The following TM2D2 variants were observed in gnomAD, a reference collection of about 807,000 sequenced individuals.
The protein encoded by TM2D2 is TM2 domain containing 2.
Under a neutral mutation model 23.0 loss-of-function variants are expected in TM2D2, and 19 were observed. The observed-to-expected ratio is 0.82, with a 90% CI of 0.58 to 1.21. The LOEUF (loss-of-function observed/expected upper bound fraction) is 1.21. TM2D2 is among the 50% of genes most tolerant of loss of function. The pLI is 0.00. For missense variants in TM2D2, 246 were observed against 265.4 expected (o/e 0.93, Z 0.51); for synonymous variants, 120 against 108.8 (o/e 1.10, Z -0.64).
rs1251606095 is a variant in TM2D2 at position 38,989,192 on chromosome 8, T to G, written c.*2140A>C. ...CTAGCAGCGAGAACAACTTCTTTTG[T>G]CTCCAGCAGCTTTACTGACAGTAAG... On this transcript the variant is annotated 3_prime_UTR_variant, in exon 4 of 4. Transcript: ENST00000456397. The G allele has an allele frequency of 6.6e-6, 1 of 152,214 alleles. No individual in the cohort carries two copies. The allele number at this position is 152,214 out of a possible 1,614,324, so 9.4% of individuals were successfully genotyped here. A position where few individuals can be genotyped will look rare whatever the true frequency, so the allele number is the denominator to read the frequency against.
In TM2D2 at chr8:38,990,989, G is replaced by A. The variant is rs1288535229; in HGVS notation, c.*343C>T. 1.5e-5 allele frequency: 4 copies of A among 268,468 alleles called. No individual in the cohort carries two copies. The highest frequency in any genetic ancestry group is 2.9e-5 in the Non-Finnish European group (4 of 140,010). The allele number at this position is 268,468 out of a possible 1,614,324, so 16.6% of individuals were successfully genotyped here. On this transcript the variant is annotated 3_prime_UTR_variant, in exon 4 of 4. Transcript: ENST00000456397. ...AATATTCATTTTGCTCAACTTGTTA[G>A]GTCCACTTGCTCCAAAGGACTGAAG...
chr8:38,993,399 T>A, intron 3 of TM2D2, 146 bp downstream of exon 3: 1 of 503,260 alleles, frequency 2.0e-6, no homozygotes, highest in South Asian at 2.3e-5. Flanking sequence ...CAGGCTGCGA[T>A]AAGCCATGAT....
rs577357279 is a variant in TM2D2, at chr8:38,991,913, C to G, written c.432-368G>C. On this transcript the variant is annotated intron_variant, in intron 3 of 3. Transcript: ENST00000456397. ...GTTTAGAACTGGCTAGTTTGAATAA[C>G]CTCAGCAGGCTCTAAGCTATAGGAG... Among the ~76,000 whole-genome samples the G allele has an allele frequency of 1.5e-4, 23 of 152,242 alleles. No individual in the cohort carries two copies. In the South Asian group the frequency reaches 4.6e-3, roughly 30 times the overall value.
Position 38,996,372 on chromosome 8 carries a change from T to G in TM2D2, c.68A>C (p.Asn23Thr). 1 of 1,614,084 alleles carries G rather than the reference T, an allele frequency of 6.2e-7. No homozygotes were observed. The highest frequency in any genetic ancestry group is 8.5e-7 in the Non-Finnish European group (1 of 1,180,016). Residue 23 changes from asparagine to threonine, a missense_variant, in exon 1 of 4, where the codon AAT becomes ACT. Asn to Thr is a moderately conservative substitution (Grantham distance 65). Transcript: ENST00000456397. ...LCGQAALLLG[N>T]LLLLHCVSRS... The stretch of plus-strand genomic sequence containing the variant: ...AGACACACAATGCAGCAGAAGTAAA[T>G]TCCCCAGCAGCAAAGCCGCCTGGCC...
upstream of TM2D2, chr8:38,996,753 C>A (rs550333684): frequency 1.2e-4 from 165 of 1,419,302 alleles, 1 homozygote; most frequent in South Asian, 2.3e-3. Context: ...GCGTGCCCGG[C>A]AGCCGACGGG....
chr8:38,991,255 G>T lies in TM2D2; in HGVS notation c.*77C>A. ...ATAACATCAGGTCTGATATCAAAGA[G>T]GAGTTTTGAGCCTGTAGAGATGAAT... On this transcript the variant is annotated 3_prime_UTR_variant, in exon 4 of 4. Transcript: ENST00000456397. 1 of 1,189,698 alleles carries T rather than the reference G, an allele frequency of 8.4e-7. No homozygotes were observed. Among genetic ancestry groups the T allele is most frequent in the Non-Finnish European group, 1.2e-6 (1 of 821,300 alleles). The allele number at this position is 1,189,698 out of a possible 1,614,324, so 73.7% of individuals were successfully genotyped here. A position where few individuals can be genotyped will look rare whatever the true frequency, so the allele number is the denominator to read the frequency against.
chr8:38,996,292 C>T lies in TM2D2; in HGVS notation c.148G>A (p.Ala50Thr). The T allele has an allele frequency of 6.2e-7, 1 of 1,614,020 alleles. No individual in the cohort carries two copies. Among genetic ancestry groups the T allele is most frequent in the Non-Finnish European group, 8.5e-7 (1 of 1,179,986 alleles). ...AEPELTSAGA[A>T]QPEGPGGAAS... ...GCACCCCCGGGGCCCTCCGGCTGGG[C>T]GGCGCCAGCGGATGTGAGCTCAGGC... Residue 50 changes from alanine (A) to threonine (T), a missense_variant, in exon 1 of 4, where the codon GCC becomes ACC. Transcript: ENST00000456397.
rs999302962 is a variant in TM2D2, at chr8:38,988,914, T to C, written c.*2418A>G. The stretch of plus-strand genomic sequence containing the variant: ...ACACTGTAGTATTTTAAACCTTCTC[T>C]ATAGCCATAAACTAGATATAACACA... On this transcript the variant is annotated 3_prime_UTR_variant, in exon 4 of 4. Coordinates refer to ENST00000456397, the MANE Select transcript of TM2D2 (RefSeq NM_078473.3). 43 of 152,228 alleles carry C rather than the reference T, an allele frequency of 2.8e-4. No homozygotes were observed. Among genetic ancestry groups the C allele is most frequent in the African/African-American group, 1.0e-3 (43 of 41,464 alleles). The allele number at this position is 152,228 out of a possible 1,614,324, so 9.4% of individuals were successfully genotyped here. A position where few individuals can be genotyped will look rare whatever the true frequency, so the allele number is the denominator to read the frequency against.
chr8:38,995,209 A>C, intron 2 of TM2D2, 109 bp downstream of exon 2: 1 of 785,656 alleles, frequency 1.3e-6, no homozygotes, highest in Non-Finnish European at 2.0e-6. Context: ...GGTCTTTCTG[A>C]GGAAATTCTT....
At chr8:38,992,392 C>T (rs938108681) in intron 3 of TM2D2, among the ~76,000 whole-genome samples, 3 of 147,336 alleles carry the variant, frequency 2.0e-5, no homozygotes, top group Non-Finnish European at 4.5e-5. Context: ...GTAGGAGGAT[C>T]GCTTGAGCCC....
At chr8:38,996,886 G>T (rs966544757), upstream of TM2D2, 1 of 1,461,522 alleles carries the variant, frequency 6.8e-7, no homozygotes. Context: ...TGTCGGGAGC[G>T]AGCTCGGACC....
chr8:38,991,612 A>G (rs1835603558), intron 3 of TM2D2, 67 bp from the exon 4 acceptor site: 3 of 1,222,492 alleles, frequency 2.5e-6, no homozygotes, highest in Non-Finnish European at 3.6e-6. Context: ...AGGATTAGTG[A>G]ATTTAACGTA....
upstream of TM2D2, chr8:38,996,660 C>T (rs1030806856): frequency 1.9e-5 from 27 of 1,428,572 alleles, no homozygotes; most frequent in Non-Finnish European, 1.9e-5. Context: ...TTCTGCTTCT[C>T]GATTCCTCTT....
intron 1 of TM2D2, chr8:38,995,791 G>A: frequency 8.0e-7 from 1 of 1,242,682 alleles, no homozygotes; most frequent in Non-Finnish European, 1.0e-6. Context: ...AAAATGGCGT[G>A]ATTCTGCAAC....
At chr8:38,996,555 A>C (rs770113685), upstream of TM2D2, 43 of 1,497,220 alleles carry the variant, frequency 2.9e-5, no homozygotes, top group Middle Eastern at 4.3e-4. Context: ...TAGCCCCGCC[A>C]AACAGCCAAT....
Position 38,993,814 on chromosome 8 carries a change from T to C in TM2D2, c.316-154A>G. ...CAGCTGTGCTCAAGGGCAAGGAATTTAGTGACACACTTCTGAGTCCATCTT... is the reference window on the plus strand; with the variant it reads ...CAGCTGTGCTCAAGGGCAAGGAATTCAGTGACACACTTCTGAGTCCATCTT... On this transcript the variant is annotated intron_variant, in intron 2 of 3. Coordinates refer to ENST00000456397, the MANE Select transcript of TM2D2 (RefSeq NM_078473.3). 3 of 504,248 alleles carry C rather than the reference T, an allele frequency of 5.9e-6. No homozygotes were observed. The South Asian group carries it at 7.5e-5, about 13-fold the overall frequency. The allele number at this position is 504,248 out of a possible 1,614,324, so 31.2% of individuals were successfully genotyped here.
intron 3 of TM2D2, 70 bp downstream of exon 3, chr8:38,993,475 A>G (rs1835662931): frequency 8.6e-7 from 1 of 1,157,780 alleles, no homozygotes. Flanking sequence ...AAAATAAATA[A>G]ATAAAAAGAC....
chr8:38,994,846 G>A (rs747036593), intron 2 of TM2D2, among the ~76,000 whole-genome samples: 1 of 150,348 alleles, frequency 6.7e-6, no homozygotes, highest in Non-Finnish European at 1.5e-5. Flanking sequence ...GACATATACC[G>A]GTAGACTCTA....
At chr8:38,994,745 A>T (rs924396682) in intron 2 of TM2D2, among the ~76,000 whole-genome samples, 1 of 152,216 alleles carries the variant, frequency 6.6e-6, no homozygotes, top group African/African-American at 2.4e-5. Flanking sequence ...AGCTTTAGGG[A>T]TATTACTAAT....
Sources: allele counts gnomAD v4.1 joint callset (sites outside exome capture counted in the v4.1 genomes callset), GRCh38; gene constraint gnomAD v4.1.1; transcripts MANE v1.5; gene names NCBI Gene and HGNC (gene_info 2026-07-23, HGNC 2026-07-21).